Variants in LILRB2 observed in about 807,000 individuals in gnomAD.
LILRB2 encodes leukocyte immunoglobulin like receptor B2, also known as leukocyte immunoglobulin-like receptor subfamily B member 2.
Under a neutral mutation model 72.7 loss-of-function variants are expected in LILRB2, and 47 were observed. The ratio of observed to expected loss-of-function variants is 0.65; its 90% CI spans 0.51 to 0.82. The LOEUF is 0.82. Among genes scored for constraint, LILRB2 ranks in the 40% least tolerant of loss-of-function variants. The pLI is 0.00. For missense variants in LILRB2, 767 were observed against 764.8 expected, an observed-to-expected ratio of 1.00 and a Z score of -0.03; for synonymous variants, 279 against 313.7, an observed-to-expected ratio of 0.89 and a Z score of 1.17.
intron 13 of LILRB2, 104 bp downstream of exon 13, chr19:54,275,847 C>T (rs2080191268): frequency 1.4e-6 from 2 of 1,433,792 alleles, no homozygotes; most frequent in Non-Finnish European, 2.0e-6. Context: ...GAGGGGTCCA[C>T]CGTGACGATG....
Position 54,278,293 on chromosome 19 carries a change from G to A in LILRB2, c.1225C>T (p.His409Tyr), listed in dbSNP as rs778059559. 5.6e-6 allele frequency: 9 copies of A among 1,614,102 alleles called. No individual in the cohort carries two copies. Among genetic ancestry groups the A allele is most frequent in the South Asian group, 4.4e-5 (4 of 91,096 alleles). The change falls in exon 7 of 14, where the codon CAC becomes TAC. Residue 409 changes from histidine (H) to tyrosine (Y), a missense_variant. Coordinates refer to ENST00000314446, the MANE Select transcript of LILRB2 (RefSeq NM_001080978.4). ...SLNSDPYLLS[H>Y]PSEPLELVVS... ...ACGAGCTCCAGGGGCTCACTGGGGTGAGACAGCAGGTAGGGGTCGGAGTTG... is the reference window on the plus strand; with the variant it reads ...ACGAGCTCCAGGGGCTCACTGGGGTAAGACAGCAGGTAGGGGTCGGAGTTG...
chr19:54,277,130 G>T lies in LILRB2; in HGVS notation c.1358-201C>A, dbSNP rs186900909. ...TCGCCTGCCCCGGGCCCCCAGCCAG[G>T]AAGCGGCAGAGCTGGGAAGGGAGCC... On this transcript the variant is annotated intron_variant, in intron 9 of 13. Coordinates refer to ENST00000314446, the MANE Select transcript of LILRB2 (RefSeq NM_001080978.4). 10 of 1,500,958 alleles carry T rather than the reference G, an allele frequency of 6.7e-6. No homozygotes were observed. In the African/African-American group the frequency reaches 1.3e-4, roughly 19 times the overall value. The allele number at this position is 1,500,958 out of a possible 1,614,324, so 93.0% of individuals were successfully genotyped here. A position where few individuals can be genotyped will look rare whatever the true frequency, so the allele number is the denominator to read the frequency against.
chr19:54,277,522 C>A lies in LILRB2; in HGVS notation c.1357+28G>T, dbSNP rs768331689. ...ACCCCTGCCTCCCCGGGACCCCGCC[C>A]ACCTCCCACTCAGAGCCCCTCACTC... On this transcript the variant is annotated intron_variant, in intron 9 of 13. Coordinates refer to ENST00000314446, the MANE Select transcript of LILRB2 (RefSeq NM_001080978.4). The A allele has an allele frequency of 1.5e-5, 23 of 1,557,034 alleles. No homozygotes were observed. The South Asian group carries it at 2.4e-4, about 16-fold the overall frequency.
In LILRB2 at chr19:54,275,952, C is replaced by A. The variant is rs35440540; in HGVS notation, c.1646G>T (p.Arg549Leu). Residue 549 changes from arginine (R) to leucine (L), a missense_variant and splice_region_variant, in exon 13 of 14, where the codon CGG (arginine) becomes CTG (leucine). Physicochemically the swap from Arg to Leu is moderately radical, Grantham distance 102. This residue lies in a region of LILRB2 where 162 missense variants were observed against 176.7 expected (regional missense o/e 0.92). Transcript: ENST00000314446. ...QPEDGVEMDT[R>L]AAASEAPQDV... is the part of the protein sequence containing the mutation. ...CCTGGGACAGGGGCGGGGTCTCACC[C>A]GAGTGTCCATCTCCACCCCATCTTC... 1.2e-6 allele frequency: 2 copies of A among 1,613,966 alleles called. No homozygotes were observed. The highest frequency in any genetic ancestry group is 3.3e-5 in the Admixed American group (2 of 60,010).
At chr19:54,275,466 G>C (rs2080176268) in intron 13 of LILRB2, 1 of 521,634 alleles carries the variant, frequency 1.9e-6, no homozygotes, top group Non-Finnish European at 3.8e-6. Flanking sequence ...CCCTTTCCCT[G>C]GTGTATGTTC....
Position 54,278,347 on chromosome 19 carries a change from C to A in LILRB2, c.1171G>T (p.Ala391Ser), listed in dbSNP as rs764058129. ...GAGCCGTAGCACCTGTAGGTCCCCG[C>A]GTGGGCTGAGGTCACAGGACTCATG... ...FPMSPVTSAH[A>S]GTYRCYGSLN... The change falls in exon 7 of 14, where the codon GCG becomes TCG. Residue 391 changes from alanine to serine, a missense_variant. This residue lies in a region of LILRB2 where 599 missense variants were observed against 568.2 expected (regional missense o/e 1.05). Transcript: ENST00000314446. 6 of 1,614,186 alleles carry A rather than the reference C, an allele frequency of 3.7e-6. No individual in the cohort carries two copies. The highest frequency in any genetic ancestry group is 2.2e-5 in the East Asian group (1 of 44,880).
chr19:54,277,505 C>G, intron 9 of LILRB2, 45 bp downstream of exon 9: 1 of 1,552,714 alleles, frequency 6.4e-7, no homozygotes, highest in Non-Finnish European at 8.7e-7. Context: ...CCACCCCTGC[C>G]TCCCCGGGAC....
In LILRB2 at chr19:54,279,020, G is replaced by A. The variant is rs1244001223; in HGVS notation, c.747C>T (p.Val249=). The change falls in exon 6 of 14, where the codon GTC becomes GTT. Residue 249 remains valine, a synonymous_variant. Transcript: ENST00000314446. ...TGTACAGAACAAATCTGTCATAGCCGACATCAGAGACACACTGGAGGGTCA... is the reference window on the plus strand; with the variant it reads ...TGTACAGAACAAATCTGTCATAGCCAACATCAGAGACACACTGGAGGGTCA... ...ESLTLQCVSD[V]GYDRFVLYKE... is the part of the protein sequence containing the mutation. 6.8e-6 allele frequency: 11 copies of A among 1,614,042 alleles called. No individual in the cohort carries two copies. Among genetic ancestry groups the A allele is most frequent in the East Asian group, 2.2e-5 (1 of 44,890 alleles).
chr19:54,277,392 C>A, intron 9 of LILRB2, 158 bp downstream of exon 9: 2 of 1,278,376 alleles, frequency 1.6e-6, no homozygotes, highest in Non-Finnish European at 2.2e-6. Context: ...AACTTTCCCA[C>A]CTGCAGGCCT....
In LILRB2 at chr19:54,278,492, G is replaced by T. The variant is rs767420019; in HGVS notation, c.1026C>A (p.Thr342=). 4 of 1,614,236 alleles carry T rather than the reference G, an allele frequency of 2.5e-6. No homozygotes were observed. The South Asian group carries it at 3.3e-5, about 13-fold the overall frequency. The change falls in exon 7 of 14, where the codon ACC becomes ACA. Residue 342 remains threonine (T), a synonymous_variant. Transcript: ENST00000314446. ...ACTGCCGCCATGACTGACACAGCAG[G>T]GTCACGTTCTCTCCTGAGGCCACTG... ...GPTVASGENV[T]LLCQSWRQFH... is the part of the protein sequence containing the mutation.
Position 54,275,980 on chromosome 19 carries a change from G to A in LILRB2, c.1618C>T (p.Pro540Ser), listed in dbSNP as rs757478480. 23 of 1,613,994 alleles carry A rather than the reference G, an allele frequency of 1.4e-5. No individual in the cohort carries two copies. The highest frequency in any genetic ancestry group is 3.3e-5 in the South Asian group (3 of 91,092). The change falls in exon 13 of 14, where the codon CCT becomes TCT. Residue 540 changes from proline to serine, a missense_variant. Around this residue, in one of 3 missense-constraint regions of LILRB2, gnomAD observed 162 missense variants for 176.7 expected, o/e 0.92. Transcript: ENST00000314446. ...NLYAAVKDTQ[P>S]EDGVEMDTRA... ...GTGTCCATCTCCACCCCATCTTCAG[G>A]CTGTGTGTCCTTCACGGCAGCATCT...
intron 4 of LILRB2, 30 bp from the exon 5 acceptor site, chr19:54,279,677 G>A (rs1439180975): frequency 6.3e-7 from 1 of 1,598,182 alleles, no homozygotes; most frequent in Admixed American, 1.7e-5. Context: ...CGTGTTAAAT[G>A]GGGCTCCCAC....
Position 54,277,479 on chromosome 19 carries a change from G to T in LILRB2, c.1357+71C>A. 7.8e-6 allele frequency: 12 copies of T among 1,544,356 alleles called. No individual in the cohort carries two copies. In the South Asian group the frequency reaches 1.3e-4, roughly 17 times the overall value. On this transcript the variant is annotated intron_variant, in intron 9 of 13. Coordinates refer to ENST00000314446, the MANE Select transcript of LILRB2 (RefSeq NM_001080978.4). ...TACATCACCACCTCCAGAGGAGCCT[G>T]AACCTAGGACAGAACCCACCCCTGC...
At chr19:54,277,135 G>A (rs887391774) in intron 9 of LILRB2, 27 of 1,495,288 alleles carry the variant, frequency 1.8e-5, no homozygotes, top group Admixed American at 5.9e-5. Flanking sequence ...GCCAGGAAGC[G>A]GCAGAGCTGG....
At position 54,278,979 on chromosome 19, in the gene LILRB2, T is replaced by C. The variant is rs776023759; in HGVS notation, c.788A>G (p.Asp263Gly). 1.4e-5 allele frequency: 22 copies of C among 1,614,028 alleles called. No individual in the cohort carries two copies. Among genetic ancestry groups the C allele is most frequent in the Non-Finnish European group, 1.9e-5 (22 of 1,180,010 alleles). ...CTGCCGGCCAGGGAGCTGGCGAAGGTCACGTTCCCCCTCCTTGTACAGAAC... is the reference window on the plus strand; with the variant it reads ...CTGCCGGCCAGGGAGCTGGCGAAGGCCACGTTCCCCCTCCTTGTACAGAAC... Reference protein sequence around the residue: ...RFVLYKEGERDLRQLPGRQPQ... With the variant: ...RFVLYKEGERGLRQLPGRQPQ... The change falls in exon 6 of 14, where the codon GAC becomes GGC. Residue 263 changes from aspartate to glycine, a missense_variant. Asp to Gly is a moderately conservative substitution (Grantham distance 94, BLOSUM62 -1). This residue lies in a region of LILRB2 where 599 missense variants were observed against 568.2 expected (regional missense o/e 1.05). Transcript: ENST00000314446.
In LILRB2 at chr19:54,275,782, A is replaced by C. The variant is rs970333050; in HGVS notation, c.1647+169T>G. The C allele has an allele frequency of 4.3e-6, 4 of 934,346 alleles. No homozygotes were observed. The Admixed American group carries it at 7.0e-5, about 16-fold the overall frequency. The allele number at this position is 934,346 out of a possible 1,614,324, so 57.9% of individuals were successfully genotyped here. ...CCCGGGAGGAGGCCCACGAGGTCCC[A>C]GGACAGCAGGAGAGAGTGAGGTCAC... On this transcript the variant is annotated intron_variant, in intron 13 of 13. Coordinates refer to ENST00000314446, the MANE Select transcript of LILRB2 (RefSeq NM_001080978.4).
At chr19:54,280,424 C>T in intron 2 of LILRB2, 39 bp downstream of exon 2, 4 of 1,614,028 alleles carry the variant, frequency 2.5e-6, no homozygotes, top group Non-Finnish European at 3.4e-6. Context: ...GGTGAGGTCC[C>T]TCCTAGGTTA....
In LILRB2 at chr19:54,274,686, G is replaced by A. The variant is rs1169435698; in HGVS notation, c.1791C>T (p.His597=). ...EPSIYATLAI[H] is the part of the protein sequence containing the mutation. ...TGGAGTCTGCGTACCCTCCGGGCTA[G>A]TGGATGGCCAGGGTGGCGTAGATGC... Residue 597 remains histidine (H), a synonymous_variant, in exon 14 of 14, where the codon CAC becomes CAT. Transcript: ENST00000314446. 5.0e-6 allele frequency: 8 copies of A among 1,613,910 alleles called. No homozygotes were observed. The highest frequency in any genetic ancestry group is 1.3e-5 in the African/African-American group (1 of 74,900).
rs1458436430 is a variant in LILRB2 at position 54,279,435 on chromosome 19, G to A, written c.568C>T (p.Arg190Cys). 30 of 1,614,056 alleles carry A rather than the reference G, an allele frequency of 1.9e-5. No homozygotes were observed. Among genetic ancestry groups the A allele is most frequent in the South Asian group, 8.8e-5 (8 of 91,092 alleles). ...IFSVGPVSPN[R>C]RWSHRCYGYD... ...CCATAGCACCTGTGCGACCACCTGC[G>A]ATTCGGGCTCACGGGGCCCACGGAG... The change falls in exon 5 of 14, where the codon CGC becomes TGC. Residue 190 changes from arginine (R) to cysteine (C), a missense_variant. Transcript: ENST00000314446.
Sources: allele counts gnomAD v4.1 joint callset, GRCh38; gene constraint gnomAD v4.1.1; regional missense constraint gnomAD v4.1.1; transcripts MANE v1.5; gene names NCBI Gene and HGNC (gene_info 2026-07-23, HGNC 2026-07-21).